Variants in GNG7 observed in about 807,000 individuals in gnomAD.
GNG7 encodes G protein subunit gamma 7.
Under a neutral mutation model 4.0 loss-of-function variants are expected in GNG7, and 1 was observed. That is an observed-to-expected ratio of 0.25 (90% confidence interval 0.09 to 1.18). The LOEUF (loss-of-function observed/expected upper bound fraction) is 1.18, where lower values mean the gene tolerates loss of function less well. GNG7 is among the 50% of genes most tolerant of loss of function. The pLI is 0.50. For missense variants in GNG7, 86 were observed against 91.9 expected (o/e 0.94, Z 0.26); for synonymous variants, 34 against 36.9 (o/e 0.92, Z 0.29).
intron 2 of GNG7, among the ~76,000 whole-genome samples, chr19:2,615,356 G>T (rs58209201): frequency 0.05 from 7,560 of 151,752 alleles, 273 homozygotes; most frequent in African/African-American, 0.11. Flanking sequence ...TGCAGGGGTC[G>T]GCAAGGATGT....
intron 3 of GNG7, among the ~76,000 whole-genome samples, chr19:2,553,793 A>G (rs1979443936): frequency 7.6e-6 from 1 of 131,266 alleles, no homozygotes; most frequent in African/African-American, 3.2e-5. Flanking sequence ...ACACACATGT[A>G]CGTATCATGT....
intron 3 of GNG7, among the ~76,000 whole-genome samples, chr19:2,541,611 G>A (rs988237373): frequency 6.6e-6 from 1 of 151,706 alleles, no homozygotes; most frequent in Non-Finnish European, 1.5e-5. Context: ...GCATGGTGGT[G>A]GGCACCTGTA....
At chr19:2,540,900 TGCCACTCCCG>T in intron 3 of GNG7, among the ~76,000 whole-genome samples, 1 of 152,132 alleles carries the variant, frequency 6.6e-6, no homozygotes, top group Middle Eastern at 3.2e-3. Flanking sequence ...GTTGGGAAAG[TGCCACTCCCG>T]GCTCGATAAA....
intron 1 of GNG7, among the ~76,000 whole-genome samples, chr19:2,670,664 A>C (rs1983429043): frequency 1.3e-5 from 2 of 151,972 alleles, no homozygotes; most frequent in South Asian, 4.1e-4. Context: ...CTGGGGCTGG[A>C]GTGTTCTCTC....
intron 2 of GNG7, among the ~76,000 whole-genome samples, chr19:2,600,256 A>AT (rs1981158584): frequency 6.7e-6 from 1 of 148,478 alleles, no homozygotes; most frequent in Non-Finnish European, 1.5e-5. Flanking sequence ...AAAAGTAACT[A>AT]TTTTTCAAAA....
intron 3 of GNG7, among the ~76,000 whole-genome samples, chr19:2,524,626 CTATA>C (rs751048492): frequency 1.6e-4 from 25 of 152,276 alleles, no homozygotes; most frequent in Non-Finnish European, 3.2e-4. Flanking sequence ...GTGCATGTGT[CTATA>C]TGAGTGCATG....
chr19:2,524,738 A>G (rs1182720735), intron 3 of GNG7, among the ~76,000 whole-genome samples: 1 of 145,740 alleles, frequency 6.9e-6, no homozygotes, highest in Non-Finnish European at 1.5e-5. Context: ...GCACGTGTGT[A>G]TGTGCACGTG....
At position 2,617,725 on chromosome 19, in the gene GNG7, T is replaced by TTA. The variant is rs1268043850; in HGVS notation, c.-78+28498_-78+28499insTA. On this transcript the variant is annotated intron_variant, in intron 2 of 4. Coordinates refer to ENST00000382159, the MANE Select transcript of GNG7 (RefSeq NM_052847.3). This position sits in a 1 kb window ranked among gnomAD's most constrained non-coding sequence, Gnocchi z 4.7. ...CCTATTTTGTCTTTTCCTTTTTATT[T>TTA]TTTTTTTTTTTGAGATAGGGTCTTG... 2.7e-5 allele frequency among the ~76,000 whole-genome samples: 4 copies of TTA among 149,220 alleles called. No homozygotes were observed. The highest frequency in any genetic ancestry group is 1.0e-4 in the African/African-American group (4 of 39,282).
chr19:2,664,902 G>A (rs186629155), intron 1 of GNG7, among the ~76,000 whole-genome samples: 1 of 152,196 alleles, frequency 6.6e-6, no homozygotes, highest in East Asian at 1.9e-4. Context: ...AACGACAAAT[G>A]TCCTCAGACA....
chr19:2,618,000 G>A lies in GNG7; in HGVS notation c.-78+28224C>T, dbSNP rs767208607. On this transcript the variant is annotated intron_variant, in intron 2 of 4. Coordinates refer to ENST00000382159, the MANE Select transcript of GNG7 (RefSeq NM_052847.3). This position sits in a 1 kb window ranked among gnomAD's most constrained non-coding sequence, Gnocchi z 4.7. Reference sequence around the variant, plus strand: ...CTCCCAAAGCGCTGAGATTACAGGCGTGACTATTTCCTTATCTTCTAAGAC... The same window carrying A: ...CTCCCAAAGCGCTGAGATTACAGGCATGACTATTTCCTTATCTTCTAAGAC... Among the ~76,000 whole-genome samples, 2 of 151,958 alleles carry A rather than the reference G, an allele frequency of 1.3e-5. No homozygotes were observed. Among genetic ancestry groups the A allele is most frequent in the Non-Finnish European group, 2.9e-5 (2 of 67,986 alleles).
chr19:2,520,337 G>T (rs750695767), intron 4 of GNG7, among the ~76,000 whole-genome samples: 1 of 152,194 alleles, frequency 6.6e-6, no homozygotes, highest in African/African-American at 2.4e-5. Context: ...ACGACAAAGC[G>T]CTCTGTCACG....
chr19:2,635,241 G>A (rs2144847285), intron 2 of GNG7, among the ~76,000 whole-genome samples: 1 of 152,316 alleles, frequency 6.6e-6, no homozygotes, highest in South Asian at 2.1e-4. Context: ...GGGTGCAGGT[G>A]CCCCGTGAAC....
At chr19:2,586,407 G>GGGCCGCAAATGGGGAATCTGGGAT (rs1980674038) in intron 2 of GNG7, among the ~76,000 whole-genome samples, 1 of 152,340 alleles carries the variant, frequency 6.6e-6, no homozygotes, top group Non-Finnish European at 1.5e-5. Context: ...TTCAAAGCGA[G>GGGCCGCAAATGGGGAATCTGGGAT]GGCCGCAAAT....
chr19:2,685,934 C>A (rs903576674), intron 1 of GNG7, among the ~76,000 whole-genome samples: 1 of 152,208 alleles, frequency 6.6e-6, no homozygotes, highest in Admixed American at 6.6e-5. Flanking sequence ...TGAGCTCTTT[C>A]TCGCCAGAGC....
At chr19:2,516,624 G>A (rs895973745) in intron 4 of GNG7, among the ~76,000 whole-genome samples, 2 of 152,224 alleles carry the variant, frequency 1.3e-5, no homozygotes, top group South Asian at 4.1e-4. Flanking sequence ...CCCGTTTTCG[G>A]AGTCCAAGAC....
chr19:2,576,110 C>T (rs1303427279), intron 2 of GNG7, among the ~76,000 whole-genome samples: 1 of 151,604 alleles, frequency 6.6e-6, no homozygotes, highest in Non-Finnish European at 1.5e-5. Context: ...CAGAACCAGA[C>T]ACACAGATGC....
intron 2 of GNG7, among the ~76,000 whole-genome samples, chr19:2,587,777 G>T (rs982230976): frequency 1.3e-5 from 2 of 151,978 alleles, no homozygotes; most frequent in East Asian, 3.9e-4. Context: ...GGAGGCAGAG[G>T]TTGCGGTGAG....
chr19:2,565,519 A>AAAAAAC (rs1055990395), intron 2 of GNG7, among the ~76,000 whole-genome samples: 2 of 144,346 alleles, frequency 1.4e-5, no homozygotes, highest in African/African-American at 4.9e-5. Context: ...CTCAAAAAAA[A>AAAAAAC]AAAAACAAAA....
intron 2 of GNG7, chr19:2,610,835 A>C (rs142347428): frequency 6.6e-6 from 1 of 151,722 alleles, no homozygotes; most frequent in Non-Finnish European, 1.5e-5. Flanking sequence ...GGCCTCAGGG[A>C]CCCAGGTGGC....
Sources: gnomAD v4.1 joint callset for allele counts (sites outside exome capture counted in the v4.1 genomes callset) on GRCh38, gnomAD v4.1.1 for gene constraint, Gnocchi (gnomAD v3.1) non-coding constraint, MANE v1.5 for transcripts, NCBI Gene and HGNC (gene_info 2026-07-23, HGNC 2026-07-21) for gene names.